The following SYN3 variants were observed in gnomAD, a reference collection of about 807,000 sequenced individuals.
The protein encoded by SYN3 is synapsin III.
A neutral mutation model predicts 65.8 loss-of-function variants in SYN3; 35 were observed. The observed-to-expected ratio is 0.53, with a 90% confidence interval of 0.41 to 0.70. The LOEUF (loss-of-function observed/expected upper bound fraction) is 0.70, where lower values mean the gene tolerates loss of function less well. SYN3 is among the 30% of genes least tolerant of loss of function. The pLI is 0.00. For synonymous variants in SYN3, 270 were observed against 292.9 expected (o/e 0.92, Z 0.80); for missense variants, 680 against 749.0 (o/e 0.91, Z 1.08).
chr22:33,005,027 C>G (rs1306413690), intron 2 of SYN3, among the ~76,000 whole-genome samples: 1 of 152,172 alleles, frequency 6.6e-6, no homozygotes, highest in Non-Finnish European at 1.5e-5. Flanking sequence ...TTATAAGGGG[C>G]TTCCCCCTTC....
intron 6 of SYN3, among the ~76,000 whole-genome samples, chr22:32,807,879 G>T (rs1010124709): frequency 6.6e-6 from 1 of 152,102 alleles, no homozygotes; most frequent in Non-Finnish European, 1.5e-5. Flanking sequence ...TGCAACATGA[G>T]GGGATGGAGG....
At chr22:32,930,367 T>C (rs1021729509) in intron 4 of SYN3, among the ~76,000 whole-genome samples, 1 of 152,144 alleles carries the variant, frequency 6.6e-6, no homozygotes. Context: ...AAGATATGCC[T>C]TTCACCTTCC....
chr22:32,957,794 T>A (rs559154940), intron 3 of SYN3, among the ~76,000 whole-genome samples: 2 of 152,268 alleles, frequency 1.3e-5, no homozygotes, highest in South Asian at 4.2e-4. Context: ...TGCAAATAGG[T>A]TGTTTCCCTG....
In SYN3 at chr22:32,714,071, C is replaced by G. The variant is rs537564709; in HGVS notation, c.712-117335G>C. On this transcript the variant is annotated intron_variant, in intron 6 of 13. Coordinates refer to ENST00000358763, the MANE Select transcript of SYN3 (RefSeq NM_003490.4). ...ACAGCTCAGGACAATGGTCTCCTTG[C>G]AAGGGGGAGCATCTTTTCCTGAATG... Among the ~76,000 whole-genome samples the G allele has an allele frequency of 2.6e-5, 4 of 152,240 alleles. No homozygotes were observed. The South Asian group carries it at 8.3e-4, about 32-fold the overall frequency.
chr22:32,612,696 G>A (rs995922293), intron 6 of SYN3, among the ~76,000 whole-genome samples: 1 of 152,082 alleles, frequency 6.6e-6, no homozygotes, highest in African/African-American at 2.4e-5. Flanking sequence ...AAAAAAATTA[G>A]CCAGGCATGG....
At chr22:32,891,317 C>T (rs1412929103) in intron 4 of SYN3, among the ~76,000 whole-genome samples, 2 of 152,158 alleles carry the variant, frequency 1.3e-5, no homozygotes, top group Admixed American at 1.3e-4. Flanking sequence ...GTCTTAAGCA[C>T]CTTTCTGCAT....
At chr22:32,884,873 CAAAAAAAAGA>C (rs2049247624) in intron 4 of SYN3, among the ~76,000 whole-genome samples, 1 of 150,912 alleles carries the variant, frequency 6.6e-6, no homozygotes, top group African/African-American at 2.4e-5. Context: ...GAGACTGTCT[CAAAAAAAAGA>C]AAAGAAAAGA....
intron 6 of SYN3, among the ~76,000 whole-genome samples, chr22:32,832,244 C>T (rs2047594167): frequency 6.6e-6 from 1 of 152,202 alleles, no homozygotes; most frequent in African/African-American, 2.4e-5. Flanking sequence ...ACATAGCAAA[C>T]AGGAAGCACG....
intron 3 of SYN3, among the ~76,000 whole-genome samples, chr22:32,965,831 A>G (rs528160011): frequency 3.9e-5 from 6 of 152,146 alleles, no homozygotes; most frequent in African/African-American, 1.4e-4. Context: ...AGTAGCTGGG[A>G]CTACAGGCGC....
chr22:32,560,972 G>C (rs1452760406), intron 7 of SYN3, among the ~76,000 whole-genome samples: 1 of 152,190 alleles, frequency 6.6e-6, no homozygotes, highest in African/African-American at 2.4e-5. Flanking sequence ...TGCAGGAGTG[G>C]AGGATGATTC....
At chr22:32,878,932 T>C (rs1401910624) in intron 4 of SYN3, among the ~76,000 whole-genome samples, 1 of 152,168 alleles carries the variant, frequency 6.6e-6, no homozygotes, top group Non-Finnish European at 1.5e-5. Context: ...TTGTGACTTT[T>C]CAAAAGATAC....
intron 7 of SYN3, among the ~76,000 whole-genome samples, chr22:32,569,044 T>C (rs2058709827): frequency 6.6e-6 from 1 of 152,148 alleles, no homozygotes; most frequent in African/African-American, 2.4e-5. Context: ...TGCAAGTATA[T>C]AGATGACGGG....
Position 32,869,111 on chromosome 22 carries a change from G to T in SYN3, c.476C>A (p.Pro159Gln). ...GTKVVSRSFK[P>Q]DFILVRQHAY... ...ATGCTGGCGGACCAGGATGAAGTCTGGCTTGAAGGATCTGCTGAGAAAGCC... is the reference window on the plus strand; with the variant it reads ...ATGCTGGCGGACCAGGATGAAGTCTTGCTTGAAGGATCTGCTGAGAAAGCC... Residue 159 changes from proline to glutamine, a missense_variant, in exon 5 of 14, where the codon CCA (proline) becomes CAA (glutamine). Transcript: ENST00000358763. 6.2e-7 allele frequency: 1 copy of T among 1,613,460 alleles called. No homozygotes were observed. Among genetic ancestry groups the T allele is most frequent in the Non-Finnish European group, 8.5e-7 (1 of 1,179,594 alleles).
chr22:32,960,858 T>A (rs1203565691), intron 3 of SYN3, among the ~76,000 whole-genome samples: 1 of 152,176 alleles, frequency 6.6e-6, no homozygotes, highest in Non-Finnish European at 1.5e-5. Flanking sequence ...TTTGCCTCAG[T>A]GGCTCTACCT....
chr22:32,732,225 CATGG>C (rs967212930), intron 6 of SYN3, among the ~76,000 whole-genome samples: 35 of 152,298 alleles, frequency 2.3e-4, no homozygotes, highest in Admixed American at 1.0e-3. Context: ...GTGGCCAAAT[CATGG>C]TCTTTCTCAA....
At chr22:32,870,576 G>A (rs975231152) in intron 4 of SYN3, among the ~76,000 whole-genome samples, 3 of 152,148 alleles carry the variant, frequency 2.0e-5, no homozygotes, top group African/African-American at 7.2e-5. Context: ...ATTAAAGGGT[G>A]TAAGCTTTTT....
At position 32,795,211 on chromosome 22, in the gene SYN3, A is replaced by T. The variant is rs913142088; in HGVS notation, c.711+69704T>A. ...TAGCATGTTTTCAGATTTATATTTT[A>T]AAAAATGTACAGAAGCAGCAATGCA... is the stretch of plus-strand genomic sequence containing the variant. On this transcript the variant is annotated intron_variant, in intron 6 of 13. Transcript: ENST00000358763. 2.6e-5 allele frequency among the ~76,000 whole-genome samples: 4 copies of T among 152,216 alleles called. No homozygotes were observed. The East Asian group carries it at 5.8e-4, about 22-fold the overall frequency.
intron 1 of SYN3, among the ~76,000 whole-genome samples, chr22:33,051,324 G>T (rs969994937): frequency 2.0e-5 from 3 of 152,164 alleles, no homozygotes; most frequent in African/African-American, 4.8e-5. Context: ...TTGGAGGACC[G>T]CAAGAGATAG....
chr22:32,810,579 A>G (rs1157965469), intron 6 of SYN3, among the ~76,000 whole-genome samples: 1 of 152,160 alleles, frequency 6.6e-6, no homozygotes, highest in Non-Finnish European at 1.5e-5. Context: ...CCAAGCCTCC[A>G]AGAGCCATTC....
Sources: allele counts gnomAD v4.1 joint callset (sites outside exome capture counted in the v4.1 genomes callset), GRCh38; gene constraint gnomAD v4.1.1; transcripts MANE v1.5; gene names NCBI Gene and HGNC (gene_info 2026-07-23, HGNC 2026-07-21).